PSME3IP1: variants seen among roughly 807,000 people sequenced by gnomAD.
The protein encoded by PSME3IP1 is proteasome activator subunit 3 interacting protein 1.
In PSME3IP1, 13 loss-of-function variants were observed where a neutral mutation model predicts 34.1. That is an observed-to-expected ratio of 0.38 (90% CI 0.25 to 0.61). The LOEUF (loss-of-function observed/expected upper bound fraction) is 0.61, where lower values mean the gene tolerates loss of function less well. Ranked by LOEUF, PSME3IP1 falls within the 20% of genes least tolerant of loss-of-function variation. PSME3IP1 has a pLI of 0.60. For synonymous variants in PSME3IP1, 93 were observed against 114.3 expected, an observed-to-expected ratio of 0.81 and a Z score of 1.19; for missense variants, 237 against 301.4, an observed-to-expected ratio of 0.79 and a Z score of 1.58.
chr16:57,172,304 G>A lies in PSME3IP1; in HGVS notation c.295C>T (p.Leu99=). ...TCTTCTCTTCGTTGCTTTTCTATTA[G>A]TTCCTGCTGTCGAGAAACCTCATCA... ...FLDEVSRQQE[L]IEKQRREEEL... The change falls in exon 4 of 7, where the codon CTA becomes TTA. Residue 99 remains leucine (L), a synonymous_variant. Transcript: ENST00000309137. The A allele has an allele frequency of 6.2e-7, 1 of 1,613,838 alleles. No homozygotes were observed. Among genetic ancestry groups the A allele is most frequent in the Non-Finnish European group, 8.5e-7 (1 of 1,179,934 alleles).
intron 1 of PSME3IP1, chr16:57,181,940 T>C (rs1385120712): frequency 1.3e-5 from 2 of 152,206 alleles, no homozygotes; most frequent in Non-Finnish European, 2.9e-5. Flanking sequence ...CTTTTGGATT[T>C]TTATGGAAGC....
intron 6 of PSME3IP1, among the ~76,000 whole-genome samples, chr16:57,157,458 G>A (rs535502589): frequency 4.6e-5 from 7 of 152,246 alleles, no homozygotes; most frequent in African/African-American, 1.7e-4. Context: ...GGGGCAAAGT[G>A]GCCATGCCCA....
At chr16:57,158,243 C>T (rs2070793608) in intron 6 of PSME3IP1, among the ~76,000 whole-genome samples, 1 of 152,098 alleles carries the variant, frequency 6.6e-6, no homozygotes, top group South Asian at 2.1e-4. Flanking sequence ...CTTATGTATA[C>T]CAGATAGAAT....
At position 57,185,881 on chromosome 16, in the gene PSME3IP1, C is replaced by G. The variant is rs549778082; in HGVS notation, c.-76G>C. On this transcript the variant is annotated 5_prime_UTR_variant, in exon 1 of 7. Coordinates refer to ENST00000309137, the MANE Select transcript of PSME3IP1 (RefSeq NM_024946.4). Reference sequence around the variant, plus strand: ...GGCGGCGCCCACCCCAAACCGCCACCGCAGAGCCGCTCGCTCTTAAAAAAG... The same window carrying G: ...GGCGGCGCCCACCCCAAACCGCCACGGCAGAGCCGCTCGCTCTTAAAAAAG... The G allele has an allele frequency of 1.0e-6, 1 of 984,242 alleles. No individual in the cohort carries two copies. Among genetic ancestry groups the G allele is most frequent in the East Asian group, 1.1e-4 (1 of 8,748 alleles). 61.0% of individuals were successfully genotyped at this position (984,242 alleles called of 1,614,324 possible). A position where few individuals can be genotyped will look rare whatever the true frequency, so the allele number is the denominator to read the frequency against.
intron 4 of PSME3IP1, among the ~76,000 whole-genome samples, chr16:57,168,093 GCT>G (rs1359943677): frequency 4.6e-5 from 7 of 152,050 alleles, no homozygotes; most frequent in African/African-American, 1.7e-4. Flanking sequence ...TCCGTTTTAT[GCT>G]CTCTCTTGAA....
intron 6 of PSME3IP1, among the ~76,000 whole-genome samples, chr16:57,157,166 G>A (rs548171179): frequency 3.3e-5 from 5 of 151,900 alleles, no homozygotes; most frequent in African/African-American, 4.8e-5. Context: ...AAAATTAGCC[G>A]GGTGTGGTGG....
chr16:57,171,733 T>A (rs1464459124), intron 4 of PSME3IP1, among the ~76,000 whole-genome samples: 8 of 152,112 alleles, frequency 5.3e-5, no homozygotes, highest in Non-Finnish European at 8.8e-5. Flanking sequence ...TGTGGCACAG[T>A]ATTGAGAATT....
intron 4 of PSME3IP1, among the ~76,000 whole-genome samples, chr16:57,170,758 G>A (rs1161902686): frequency 2.6e-5 from 4 of 152,170 alleles, no homozygotes; most frequent in Non-Finnish European, 4.4e-5. Context: ...ACAACTTTCA[G>A]ATAGTGACAA....
intron 6 of PSME3IP1, among the ~76,000 whole-genome samples, chr16:57,163,118 T>C (rs1487198423): frequency 1.2e-4 from 18 of 152,084 alleles, no homozygotes; most frequent in African/African-American, 3.1e-4. Context: ...TGAGCTGAGA[T>C]TGAGCCACTG....
At chr16:57,185,710 G>A (rs1419940903) in intron 1 of PSME3IP1, 111 bp downstream of exon 1, 16 of 985,354 alleles carry the variant, frequency 1.6e-5, no homozygotes, top group Non-Finnish European at 1.8e-5. Context: ...GCGGGTGCGC[G>A]GACTGAGAAC....
chr16:57,181,075 G>A (rs552758301), intron 1 of PSME3IP1, among the ~76,000 whole-genome samples: 16 of 152,202 alleles, frequency 1.1e-4, no homozygotes, highest in African/African-American at 3.6e-4. Flanking sequence ...TAAAAAAAAA[G>A]TATTGATTTA....
chr16:57,152,610 T>C lies in PSME3IP1; in HGVS notation c.*1680A>G, dbSNP rs2070065771. ...GTCATGCCACATAAAGATGATGACT[T>C]TGATGTCCTGGCCTGCCTCCTGTAA... On this transcript the variant is annotated 3_prime_UTR_variant, in exon 7 of 7. Coordinates refer to ENST00000309137, the MANE Select transcript of PSME3IP1 (RefSeq NM_024946.4). The C allele has an allele frequency of 6.5e-6, 1 of 152,686 alleles. No individual in the cohort carries two copies. Among genetic ancestry groups the C allele is most frequent in the African/African-American group, 2.4e-5 (1 of 41,472 alleles). The allele number at this position is 152,686 out of a possible 1,614,324, so 9.5% of individuals were successfully genotyped here.
chr16:57,158,632 T>C (rs772027742), intron 6 of PSME3IP1, among the ~76,000 whole-genome samples: 4 of 152,150 alleles, frequency 2.6e-5, no homozygotes, highest in Non-Finnish European at 5.9e-5. Context: ...TAAAAGGATA[T>C]ATAGATCAGT....
chr16:57,166,500 C>T (rs887099487), intron 5 of PSME3IP1, among the ~76,000 whole-genome samples: 9 of 152,176 alleles, frequency 5.9e-5, no homozygotes, highest in African/African-American at 2.2e-4. Flanking sequence ...TCCCTTGTTG[C>T]TTGTCAAAGC....
At chr16:57,161,285 A>G (rs1375030880) in intron 6 of PSME3IP1, among the ~76,000 whole-genome samples, 2 of 152,212 alleles carry the variant, frequency 1.3e-5, no homozygotes, top group Non-Finnish European at 2.9e-5. Flanking sequence ...AGTGATCAAG[A>G]CTGTGTGCTA....
rs138529894 is a variant in PSME3IP1, at chr16:57,158,513, G to A, written c.548-4006C>T. Among the ~76,000 whole-genome samples, 22 of 152,270 alleles carry A rather than the reference G, an allele frequency of 1.4e-4. No homozygotes were observed. The East Asian group carries it at 3.9e-3, about 27-fold the overall frequency. Reference sequence around the variant, plus strand: ...TGAGGCAGAAGAATCGCTTGAGCCTGGGAGGTGAAGGTTGCTGTGAGCCGG... The same window carrying A: ...TGAGGCAGAAGAATCGCTTGAGCCTAGGAGGTGAAGGTTGCTGTGAGCCGG... On this transcript the variant is annotated intron_variant, in intron 6 of 6. Transcript: ENST00000309137.
intron 1 of PSME3IP1, chr16:57,174,181 C>G: frequency 4.3e-6 from 1 of 231,116 alleles, no homozygotes; most frequent in South Asian, 5.7e-5. Context: ...GTAATCCCAG[C>G]TACTCAGGAG....
At chr16:57,183,458 G>A (rs544428433) in intron 1 of PSME3IP1, among the ~76,000 whole-genome samples, 6 of 151,944 alleles carry the variant, frequency 3.9e-5, no homozygotes, top group Non-Finnish European at 5.9e-5. Flanking sequence ...TCTGCCTCCC[G>A]AATAGCTGGG....
intron 4 of PSME3IP1, among the ~76,000 whole-genome samples, chr16:57,170,221 TAC>T (rs2072404315): frequency 6.6e-6 from 1 of 151,926 alleles, no homozygotes; most frequent in East Asian, 1.9e-4. Context: ...TAGTTGGGAC[TAC>T]AGGCACAAGC....
Sources: allele counts gnomAD v4.1 joint callset (sites outside exome capture counted in the v4.1 genomes callset), GRCh38; gene constraint gnomAD v4.1.1; transcripts MANE v1.5; gene names NCBI Gene and HGNC (gene_info 2026-07-23, HGNC 2026-07-21).